NTM: variants seen among roughly 807,000 people sequenced by gnomAD.
NTM encodes the protein neurotrimin.
NTM carries 13 observed loss-of-function variants against 42.1 expected under a neutral mutation model. The observed-to-expected ratio is 0.31, with a 90% confidence interval of 0.20 to 0.49. The LOEUF (loss-of-function observed/expected upper bound fraction) is 0.49, where lower values mean the gene tolerates loss of function less well. Ranked by LOEUF, NTM falls within the 20% of genes least tolerant of loss-of-function variation. NTM has a pLI of 0.99. For missense variants in NTM, 373 were observed against 452.8 expected, an observed-to-expected ratio of 0.82 and a Z score of 1.60; for synonymous variants, 187 against 179.2, an observed-to-expected ratio of 1.04 and a Z score of -0.35.
chr11:131,860,081 G>C (rs1370493376), intron 1 of NTM, among the ~76,000 whole-genome samples: 1 of 152,220 alleles, frequency 6.6e-6, no homozygotes, highest in Non-Finnish European at 1.5e-5. Context: ...CGTCTATATC[G>C]GGCCTCAGCT....
chr11:132,302,759 G>A (rs575132950), intron 4 of NTM, among the ~76,000 whole-genome samples: 3 of 152,338 alleles, frequency 2.0e-5, no homozygotes, highest in South Asian at 4.1e-4. Context: ...TACAGTTGCA[G>A]GAGCAGTGGA....
chr11:131,957,961 G>A (rs1186286334), intron 2 of NTM, among the ~76,000 whole-genome samples: 1 of 152,070 alleles, frequency 6.6e-6, no homozygotes, highest in East Asian at 1.9e-4. Context: ...TGTTGCTGTA[G>A]GAATGGAAGC....
chr11:132,134,751 A>ATCTATC (rs1566260080), intron 2 of NTM, among the ~76,000 whole-genome samples: 7 of 89,044 alleles, frequency 7.9e-5, no homozygotes, highest in South Asian at 3.5e-4. Context: ...ATATATATAT[A>ATCTATC]TATATATATC....
chr11:131,973,723 A>G (rs908840681), intron 2 of NTM, among the ~76,000 whole-genome samples: 1 of 152,196 alleles, frequency 6.6e-6, no homozygotes, highest in Non-Finnish European at 1.5e-5. Flanking sequence ...AGGCCAAGGC[A>G]GGAGAATCGC....
intron 4 of NTM, among the ~76,000 whole-genome samples, chr11:132,285,626 T>C (rs1458290865): frequency 1.3e-5 from 2 of 152,184 alleles, no homozygotes; most frequent in African/African-American, 4.8e-5. Flanking sequence ...CTCCATGAGT[T>C]ATATTCACAG....
chr11:131,840,291 G>A (rs1287099336), intron 1 of NTM, among the ~76,000 whole-genome samples: 1 of 152,170 alleles, frequency 6.6e-6, no homozygotes, highest in Non-Finnish European at 1.5e-5. Flanking sequence ...AGGATTAGGT[G>A]AGCAAATGAG....
At position 131,886,733 on chromosome 11, in the gene NTM, C is replaced by T. The variant is rs925356028; in HGVS notation, c.83-24831C>T. 2.6e-5 allele frequency among the ~76,000 whole-genome samples: 4 copies of T among 152,316 alleles called. No homozygotes were observed. The South Asian group carries it at 8.3e-4, about 32-fold the overall frequency. ...CTTTCCTACAAAGCTCTGACCATTA[C>T]CCTGGTAAGATGACAGAGCCAAGCT... On this transcript the variant is annotated intron_variant, in intron 1 of 8. Coordinates refer to ENST00000683400, the MANE Select transcript of NTM (RefSeq NM_001352005.2).
At chr11:131,408,652 C>A (rs1946067790) in intron 1 of NTM, among the ~76,000 whole-genome samples, 2 of 152,166 alleles carry the variant, frequency 1.3e-5, no homozygotes, top group Non-Finnish European at 2.9e-5. Flanking sequence ...AAAACTGGGG[C>A]TCCGAGATGG....
intron 1 of NTM, among the ~76,000 whole-genome samples, chr11:131,821,065 G>C (rs1392987310): frequency 6.6e-6 from 1 of 151,274 alleles, no homozygotes; most frequent in East Asian, 1.9e-4. Context: ...ATGAAATGTA[G>C]GGATTGGTAA....
At chr11:132,278,813 G>T (rs1029465953) in intron 4 of NTM, among the ~76,000 whole-genome samples, 1 of 143,254 alleles carries the variant, frequency 7.0e-6, no homozygotes, top group African/African-American at 2.6e-5. Context: ...TAATCTCCAG[G>T]GTGGCTCTGA....
At chr11:131,372,420 C>G (rs1409339766) in intron 1 of NTM, among the ~76,000 whole-genome samples, 1 of 152,060 alleles carries the variant, frequency 6.6e-6, no homozygotes, top group African/African-American at 2.4e-5. Flanking sequence ...ATTGACTCCT[C>G]TTATATAATA....
intron 1 of NTM, among the ~76,000 whole-genome samples, chr11:131,810,817 T>C (rs73579920): frequency 0.025 from 3,744 of 152,216 alleles, 151 homozygotes; most frequent in African/African-American, 0.086. Context: ...GGAGTATTGA[T>C]TCAGTGCTGG....
At chr11:132,098,018 G>T (rs2061224179) in intron 2 of NTM, among the ~76,000 whole-genome samples, 1 of 152,214 alleles carries the variant, frequency 6.6e-6, no homozygotes, top group Admixed American at 6.5e-5. Flanking sequence ...CAAGTATTTT[G>T]CTGTAACAGG....
intron 1 of NTM, among the ~76,000 whole-genome samples, chr11:131,596,726 G>A (rs1414516846): frequency 2.6e-5 from 4 of 152,234 alleles, no homozygotes; most frequent in African/African-American, 7.2e-5. Context: ...AGACATCCCT[G>A]GGGCTGGAAC....
intron 1 of NTM, among the ~76,000 whole-genome samples, chr11:131,701,499 T>A (rs1221472880): frequency 6.6e-6 from 1 of 152,158 alleles, no homozygotes; most frequent in Non-Finnish European, 1.5e-5. Flanking sequence ...ACTCAATGCA[T>A]TTGTCAGTTT....
chr11:132,271,169 C>A (rs968480193), intron 4 of NTM, among the ~76,000 whole-genome samples: 2 of 152,090 alleles, frequency 1.3e-5, no homozygotes, highest in African/African-American at 4.8e-5. Context: ...TTGTCTTTTG[C>A]CACTGCTTTG....
chr11:131,946,138 A>G (rs1593084926), intron 2 of NTM, among the ~76,000 whole-genome samples: 2 of 152,264 alleles, frequency 1.3e-5, no homozygotes, highest in South Asian at 2.1e-4. Flanking sequence ...AGGTGGGTAG[A>G]CGTTATAAAC....
intron 7 of NTM, among the ~76,000 whole-genome samples, chr11:132,318,059 A>T (rs1229673904): frequency 6.6e-6 from 1 of 152,228 alleles, no homozygotes; most frequent in Admixed American, 6.5e-5. Flanking sequence ...ACCCCTCAGC[A>T]GCAGAGTCAG....
intron 2 of NTM, among the ~76,000 whole-genome samples, chr11:131,953,842 TGAG>T (rs1395932340): frequency 6.6e-6 from 1 of 151,700 alleles, no homozygotes; most frequent in Non-Finnish European, 1.5e-5. Context: ...GTGAGAAAAA[TGAG>T]GAGAAGAGAG....
Sources: allele counts gnomAD v4.1 joint callset (sites outside exome capture counted in the v4.1 genomes callset), GRCh38; gene constraint gnomAD v4.1.1; transcripts MANE v1.5; gene names NCBI Gene and HGNC (gene_info 2026-07-23, HGNC 2026-07-21).